CELF4: variants seen among roughly 807,000 people sequenced by gnomAD.
The protein encoded by CELF4 is CUG-BP- and ETR-3-like factor 4.
A neutral mutation model predicts 59.9 loss-of-function variants in CELF4; 18 were observed. That is an observed-to-expected ratio of 0.30 (90% CI 0.21 to 0.45). CELF4 has a LOEUF of 0.45. Among genes scored for constraint, CELF4 ranks in the 20% least tolerant of loss-of-function variants. The probability of loss-of-function intolerance (pLI) is 1.00; values close to 1 mark genes in which losing one functional copy is unlikely to be tolerated. For missense variants in CELF4, 456 were observed against 689.0 expected, an observed-to-expected ratio of 0.66 and a Z score of 3.79; for synonymous variants, 261 against 267.1, an observed-to-expected ratio of 0.98 and a Z score of 0.22.
chr18:37,305,007 G>A (rs536183578), intron 3 of CELF4, among the ~76,000 whole-genome samples: 1 of 152,316 alleles, frequency 6.6e-6, no homozygotes, highest in East Asian at 1.9e-4. Flanking sequence ...AGGGACTGGT[G>A]GGGATGTGGA....
intron 2 of CELF4, among the ~76,000 whole-genome samples, chr18:37,463,170 T>C (rs906990626): frequency 6.6e-6 from 1 of 152,168 alleles, no homozygotes; most frequent in Non-Finnish European, 1.5e-5. Context: ...AGTTCAAAAA[T>C]GATTAAGAAT....
At chr18:37,315,341 C>T (rs928519907) in intron 3 of CELF4, among the ~76,000 whole-genome samples, 2 of 152,118 alleles carry the variant, frequency 1.3e-5, no homozygotes, top group Non-Finnish European at 2.9e-5. Context: ...GGGCAGGTGG[C>T]AGCCCCTAGG....
At chr18:37,294,404 C>T (rs2095523558) in intron 3 of CELF4, among the ~76,000 whole-genome samples, 1 of 152,154 alleles carries the variant, frequency 6.6e-6, no homozygotes, top group Admixed American at 6.5e-5. Flanking sequence ...TTACTCTGGG[C>T]AACTTTGCCA....
intron 3 of CELF4, among the ~76,000 whole-genome samples, chr18:37,300,219 G>T (rs1460920630): frequency 6.6e-6 from 1 of 150,644 alleles, no homozygotes; most frequent in African/African-American, 2.4e-5. Context: ...CTGATCCCAT[G>T]CTCCAGCACT....
At chr18:37,352,961 C>T (rs570426522) in intron 2 of CELF4, among the ~76,000 whole-genome samples, 3 of 152,134 alleles carry the variant, frequency 2.0e-5, no homozygotes, top group South Asian at 2.1e-4. Context: ...GTAGCTCACG[C>T]CTGTAATCCC....
chr18:37,462,533 T>A lies in CELF4; in HGVS notation c.369+22992A>T, dbSNP rs1375949548. On this transcript the variant is annotated intron_variant, in intron 2 of 12. Transcript: ENST00000420428. ...AGGCAGGCTCCTAGCCACCAGAGATTGGAGTCAACAGTGGGGTTGTCAGCA... is the reference window on the plus strand; with the variant it reads ...AGGCAGGCTCCTAGCCACCAGAGATAGGAGTCAACAGTGGGGTTGTCAGCA... 3.3e-5 allele frequency among the ~76,000 whole-genome samples: 5 copies of A among 152,196 alleles called. No individual in the cohort carries two copies. In the East Asian group the frequency reaches 9.6e-4, roughly 29 times the overall value.
intron 2 of CELF4, among the ~76,000 whole-genome samples, chr18:37,454,833 AG>A (rs1412737270): frequency 6.6e-6 from 1 of 152,250 alleles, no homozygotes. Flanking sequence ...TCACTGTACC[AG>A]GCACAGGAAC....
At chr18:37,279,707 G>C (rs561062487) in intron 3 of CELF4, among the ~76,000 whole-genome samples, 1 of 152,204 alleles carries the variant, frequency 6.6e-6, no homozygotes, top group African/African-American at 2.4e-5. Flanking sequence ...AGGCCAGCAG[G>C]GCTGGCACAC....
chr18:37,340,669 G>A (rs8098910), intron 2 of CELF4, among the ~76,000 whole-genome samples: 5,003 of 152,296 alleles, frequency 0.033, 282 homozygotes, highest in African/African-American at 0.11. Context: ...TGAGATCCCT[G>A]AGCAGAGGTG....
intron 1 of CELF4, among the ~76,000 whole-genome samples, chr18:37,546,460 A>T (rs1032918032): frequency 6.6e-6 from 1 of 152,188 alleles, no homozygotes; most frequent in South Asian, 2.1e-4. Flanking sequence ...AATCCTGGTC[A>T]GACTCAGAGC....
intron 1 of CELF4, among the ~76,000 whole-genome samples, chr18:37,525,205 G>A (rs2099962478): frequency 6.6e-6 from 1 of 152,180 alleles, no homozygotes; most frequent in South Asian, 2.1e-4. Flanking sequence ...TGGAGGGACG[G>A]TGGCCTGTCG....
At chr18:37,516,292 G>A (rs573484734) in intron 1 of CELF4, among the ~76,000 whole-genome samples, 8 of 152,084 alleles carry the variant, frequency 5.3e-5, no homozygotes, top group East Asian at 3.9e-4. Flanking sequence ...TCCTCCTCCC[G>A]TCCACCTGGA....
chr18:37,349,405 G>A (rs1281524204), intron 2 of CELF4, among the ~76,000 whole-genome samples: 4 of 152,306 alleles, frequency 2.6e-5, no homozygotes, highest in African/African-American at 4.8e-5. Context: ...CTTCCCTACC[G>A]TGGCTGGATT....
intron 8 of CELF4, among the ~76,000 whole-genome samples, chr18:37,267,462 G>A (rs769200349): frequency 6.6e-6 from 1 of 152,216 alleles, no homozygotes; most frequent in Non-Finnish European, 1.5e-5. Flanking sequence ...TGGCGACCAA[G>A]GCTGGTGGTG....
At chr18:37,278,888 C>G (rs1330696388) in intron 3 of CELF4, among the ~76,000 whole-genome samples, 1 of 152,172 alleles carries the variant, frequency 6.6e-6, no homozygotes, top group Non-Finnish European at 1.5e-5. Context: ...CCCACTCTGC[C>G]CACCTCCTTT....
intron 1 of CELF4, among the ~76,000 whole-genome samples, chr18:37,542,070 A>T (rs1335047814): frequency 6.6e-6 from 1 of 152,128 alleles, no homozygotes; most frequent in Non-Finnish European, 1.5e-5. Context: ...GAATGAGTGA[A>T]TTATTCAATC....
intron 2 of CELF4, among the ~76,000 whole-genome samples, chr18:37,401,782 A>C (rs1482227211): frequency 1.3e-5 from 2 of 152,178 alleles, no homozygotes; most frequent in South Asian, 4.1e-4. Flanking sequence ...CTTCCCACCA[A>C]AGCATACTTA....
At position 37,510,149 on chromosome 18, in the gene CELF4, T is replaced by A. The variant is rs184142989; in HGVS notation, c.287-24542A>T. ...GAATTGTACACTGTAATGTGGTTAA[T>A]GTTTAAGAGAAAAGAAGAGTAAAGA... On this transcript the variant is annotated intron_variant, in intron 1 of 12. Transcript: ENST00000420428. Among the ~76,000 whole-genome samples the A allele has an allele frequency of 3.2e-4, 49 of 152,320 alleles. 1 individual carries two copies. In the East Asian group the frequency reaches 8.9e-3, roughly 28 times the overall value.
rs1484116623 is a variant in CELF4 at position 37,259,255 on chromosome 18, C to A, written c.1259G>T (p.Gly420Val). 2.7e-6 allele frequency: 4 copies of A among 1,459,368 alleles called. No individual in the cohort carries two copies. The highest frequency in any genetic ancestry group is 3.7e-6 in the Non-Finnish European group (4 of 1,081,396). 90.4% of individuals were successfully genotyped at this position (1,459,368 alleles called of 1,614,324 possible). Residue 420 changes from glycine to valine, a missense_variant, in exon 11 of 13, where the codon GGC becomes GTC. Gly to Val is a moderately radical substitution (Grantham distance 109). Around this residue, in one of 7 missense-constraint regions of CELF4, gnomAD observed 256 missense variants for 340.8 expected, o/e 0.75. Coordinates refer to ENST00000420428, the MANE Select transcript of CELF4 (RefSeq NM_020180.4). Reference sequence around the variant, plus strand: ...CAGATGGTAGATGAACAGGTTACAGCCCTCGGGCCCTGCGGTGAGGGGAGG... The same window carrying A: ...CAGATGGTAGATGAACAGGTTACAGACCTCGGGCCCTGCGGTGAGGGGAGG... Reference protein sequence around the residue: ...IPQQQREGPEGCNLFIYHLPQ... With the variant: ...IPQQQREGPEVCNLFIYHLPQ...
Sources: gnomAD v4.1 joint callset for allele counts (sites outside exome capture counted in the v4.1 genomes callset) on GRCh38, gnomAD v4.1.1 for gene constraint, gnomAD v4.1.1 regional missense constraint, MANE v1.5 for transcripts, NCBI Gene and HGNC (gene_info 2026-07-23, HGNC 2026-07-21) for gene names.